Variants in MAP3K4 observed in about 807,000 individuals in gnomAD.
MAP3K4 encodes mitogen-activated protein kinase kinase kinase 4.
Under a neutral mutation model 185.6 loss-of-function variants are expected in MAP3K4, and 67 were observed. That is an observed-to-expected ratio of 0.36 (90% CI 0.30 to 0.44). MAP3K4 has a LOEUF of 0.44. Ranked by LOEUF, MAP3K4 falls within the 20% of genes least tolerant of loss-of-function variation. The pLI is 1.00. For synonymous variants in MAP3K4, 702 were observed against 710.4 expected, an observed-to-expected ratio of 0.99 and a Z score of 0.19; for missense variants, 1,551 against 1,995.1, an observed-to-expected ratio of 0.78 and a Z score of 4.24.
At chr6:161,024,971 C>T (rs920783611) in intron 1 of MAP3K4, among the ~76,000 whole-genome samples, 1 of 152,006 alleles carries the variant, frequency 6.6e-6, no homozygotes, top group African/African-American at 2.4e-5. Context: ...GCCTATCTGT[C>T]CATCCATCCA....
chr6:161,006,644 C>T (rs1781595016), intron 1 of MAP3K4, among the ~76,000 whole-genome samples: 1 of 152,160 alleles, frequency 6.6e-6, no homozygotes, highest in African/African-American at 2.4e-5. Context: ...CAGAATTGAG[C>T]TCTCTCCTTT....
chr6:161,031,252 T>C (rs1782916132), intron 1 of MAP3K4, among the ~76,000 whole-genome samples: 1 of 152,206 alleles, frequency 6.6e-6, no homozygotes, highest in African/African-American at 2.4e-5. Flanking sequence ...TCTATAGAAT[T>C]ATTACAAGGA....
Position 161,082,042 on chromosome 6 carries a change from G to A in MAP3K4, c.2255+1004G>A, listed in dbSNP as rs901352918. ...TCTTGACTCTGCCGATTTCTCCTAT[G>A]TTCAGTCTCGGAATCTCGTATCCAC... is the stretch of plus-strand genomic sequence containing the variant. On this transcript the variant is annotated intron_variant, in intron 6 of 26. Transcript: ENST00000392142. The surrounding 1 kb of genome is among the most constrained non-coding windows in gnomAD (Gnocchi z 4.2). Among the ~76,000 whole-genome samples, 4 of 151,880 alleles carry A rather than the reference G, an allele frequency of 2.6e-5. No homozygotes were observed. The highest frequency in any genetic ancestry group is 9.7e-5 in the African/African-American group (4 of 41,302).
intron 1 of MAP3K4, among the ~76,000 whole-genome samples, chr6:161,032,592 A>G (rs1022602838): frequency 8.5e-5 from 13 of 152,224 alleles, no homozygotes; most frequent in African/African-American, 3.1e-4. Flanking sequence ...GCTGCTTTTC[A>G]TTCCAAACAG....
intron 1 of MAP3K4, among the ~76,000 whole-genome samples, chr6:161,026,739 T>C (rs1782687991): frequency 1.4e-5 from 2 of 147,512 alleles, no homozygotes; most frequent in South Asian, 4.3e-4. Flanking sequence ...TCTCCTTTTT[T>C]TTTTTTTTTT....
rs939452701 is a variant in MAP3K4, at chr6:161,115,065, TG to T, written c.4627-57del. On this transcript the variant is annotated intron_variant, in intron 25 of 26. Coordinates refer to ENST00000392142, the MANE Select transcript of MAP3K4 (RefSeq NM_005922.4). The surrounding 1 kb of genome is among the most constrained non-coding windows in gnomAD (Gnocchi z 6.0). The stretch of plus-strand genomic sequence containing the variant: ...GATGCTTAAAAACAGACTGAACATT[TG>T]CGTTGTTTGTGGCTGTGTAATATTA... 2.4e-5 allele frequency: 35 copies of T among 1,440,324 alleles called. 1 individual carries two copies. In the Admixed American group the frequency reaches 4.3e-4, roughly 18 times the overall value. 89.2% of individuals were successfully genotyped at this position (1,440,324 alleles called of 1,614,324 possible). A position where few individuals can be genotyped will look rare whatever the true frequency, so the allele number is the denominator to read the frequency against.
chr6:161,053,546 G>C lies in MAP3K4; in HGVS notation c.1707+3567G>C, dbSNP rs113905442. ...TGCCAAATAATTGTACATTTTAAGG[G>C]CATACATTTTAGGCAGTAAAACCTT... On this transcript the variant is annotated intron_variant, in intron 3 of 26. Transcript: ENST00000392142. The surrounding 1 kb of genome is among the most constrained non-coding windows in gnomAD (Gnocchi z 4.2). 0.018 allele frequency among the ~76,000 whole-genome samples: 2,804 copies of C among 152,180 alleles called. 96 individuals carry two copies. The highest frequency in any genetic ancestry group is 0.064 in the African/African-American group (2,672 of 41,510).
intron 2 of MAP3K4, among the ~76,000 whole-genome samples, chr6:161,046,546 G>T (rs1783738992): frequency 6.6e-6 from 1 of 151,468 alleles, no homozygotes; most frequent in South Asian, 2.1e-4. Context: ...ATAGTAGTTT[G>T]TATACTAAAA....
rs1245599977 is a variant in MAP3K4, at chr6:161,108,332, A to G, written c.4119+363A>G. Among the ~76,000 whole-genome samples, 1 of 152,254 alleles carries G rather than the reference A, an allele frequency of 6.6e-6. No individual in the cohort carries two copies. Among genetic ancestry groups the G allele is most frequent in the Admixed American group, 6.5e-5 (1 of 15,290 alleles). ...ATGATAAGCTTCAGAAACAAGTGGC[A>G]TTGAAACCGCTGGAGGTAGGATGGG... is the stretch of plus-strand genomic sequence containing the variant. On this transcript the variant is annotated intron_variant, in intron 21 of 26. Coordinates refer to ENST00000392142, the MANE Select transcript of MAP3K4 (RefSeq NM_005922.4). The surrounding 1 kb of genome is among the most constrained non-coding windows in gnomAD (Gnocchi z 5.7).
chr6:161,039,035 C>CAGGCCTTCTT (rs1268054934), intron 2 of MAP3K4, among the ~76,000 whole-genome samples: 7 of 152,132 alleles, frequency 4.6e-5, no homozygotes, highest in Non-Finnish European at 8.8e-5. Context: ...GTGGAAATCG[C>CAGGCCTTCTT]AGGCCTTCTT....
At position 161,063,939 on chromosome 6, in the gene MAP3K4, C is replaced by T. The variant is rs969124374; in HGVS notation, c.1708-6669C>T. The stretch of plus-strand genomic sequence containing the variant: ...GGCTCTTGGAACTGTTCATGGTTTT[C>T]CCACCACCTCTTCTCTTTGGGGAGT... On this transcript the variant is annotated intron_variant, in intron 3 of 26. Coordinates refer to ENST00000392142, the MANE Select transcript of MAP3K4 (RefSeq NM_005922.4). The surrounding 1 kb of genome is among the most constrained non-coding windows in gnomAD (Gnocchi z 5.4). Among the ~76,000 whole-genome samples, 1 of 152,132 alleles carries T rather than the reference C, an allele frequency of 6.6e-6. No individual in the cohort carries two copies. Among genetic ancestry groups the T allele is most frequent in the Non-Finnish European group, 1.5e-5 (1 of 68,022 alleles).
chr6:161,041,779 T>A (rs988782080), intron 2 of MAP3K4, among the ~76,000 whole-genome samples: 5 of 152,004 alleles, frequency 3.3e-5, no homozygotes, highest in African/African-American at 1.2e-4. Flanking sequence ...ACATAGAGAG[T>A]TGACGAGCAG....
intron 18 of MAP3K4, among the ~76,000 whole-genome samples, chr6:161,102,314 T>G (rs1777872857): frequency 6.6e-6 from 1 of 152,204 alleles, no homozygotes; most frequent in Non-Finnish European, 1.5e-5. Context: ...GACACTGTGT[T>G]TGTTGATCGT....
In MAP3K4 at chr6:161,110,907, T is replaced by C. The variant is rs756256464; in HGVS notation, c.4397-929T>C. 2.0e-4 allele frequency among the ~76,000 whole-genome samples: 30 copies of C among 152,156 alleles called. No individual in the cohort carries two copies. Among genetic ancestry groups the C allele is most frequent in the Non-Finnish European group, 3.8e-4 (26 of 68,022 alleles). ...GTTCTGCCACAGACACCATCCTCAG[T>C]CTCTGTCCACTGTCACAAAATGGTG... On this transcript the variant is annotated intron_variant, in intron 23 of 26. Coordinates refer to ENST00000392142, the MANE Select transcript of MAP3K4 (RefSeq NM_005922.4). The surrounding 1 kb of genome is among the most constrained non-coding windows in gnomAD (Gnocchi z 4.8).
chr6:161,098,253 C>T lies in MAP3K4; in HGVS notation c.3525-25C>T. On this transcript the variant is annotated intron_variant, in intron 16 of 26. Transcript: ENST00000392142. This position sits in a 1 kb window ranked among gnomAD's most constrained non-coding sequence, Gnocchi z 4.4. ...TCCGTTCCCTCTTCTCACATGTGTT[C>T]CTGAAGCTTTTCTTCTTGTCTTAGC... 2 of 1,602,908 alleles carry T rather than the reference C, an allele frequency of 1.2e-6. No individual in the cohort carries two copies. Among genetic ancestry groups the T allele is most frequent in the Non-Finnish European group, 1.7e-6 (2 of 1,173,292 alleles).
rs1020271156 is a variant in MAP3K4 at position 161,110,240 on chromosome 6, C to T, written c.4396+326C>T. On this transcript the variant is annotated intron_variant, in intron 23 of 26. Coordinates refer to ENST00000392142, the MANE Select transcript of MAP3K4 (RefSeq NM_005922.4). The surrounding 1 kb of genome is among the most constrained non-coding windows in gnomAD (Gnocchi z 4.8). ...GATCAAAGCAACCTTTTTTTTCTCT[C>T]GTGTCAGGATTCTTGTCTATTTATA... is the stretch of plus-strand genomic sequence containing the variant. 1.3e-5 allele frequency among the ~76,000 whole-genome samples: 2 copies of T among 151,994 alleles called. No individual in the cohort carries two copies. The highest frequency in any genetic ancestry group is 2.9e-5 in the Non-Finnish European group (2 of 67,992).
rs532792619 is a variant in MAP3K4 at position 161,081,945 on chromosome 6, C to T, written c.2255+907C>T. ...CATTTTGTCTCTTGTATTAGAGCAG[C>T]AGCTTCTGCTGCCTACCCTGTCTCC... is the stretch of plus-strand genomic sequence containing the variant. On this transcript the variant is annotated intron_variant, in intron 6 of 26. Transcript: ENST00000392142. Among the ~76,000 whole-genome samples, 3 of 152,302 alleles carry T rather than the reference C, an allele frequency of 2.0e-5. No homozygotes were observed. The South Asian group carries it at 6.2e-4, about 32-fold the overall frequency.
At chr6:161,104,213 A>G (rs6455703) in intron 19 of MAP3K4, among the ~76,000 whole-genome samples, 137,847 of 151,600 alleles carry the variant, frequency 0.91, 62,849 homozygotes, top group East Asian at 0.99. Flanking sequence ...TCAGGAGTTC[A>G]AGACCAGCCT....
chr6:161,034,134 A>G lies in MAP3K4; in HGVS notation c.153-125A>G. 1 of 655,632 alleles carries G rather than the reference A, an allele frequency of 1.5e-6. No homozygotes were observed. The highest frequency in any genetic ancestry group is 2.8e-5 in the South Asian group (1 of 36,332). 40.6% of individuals were successfully genotyped at this position (655,632 alleles called of 1,614,324 possible). A position where few individuals can be genotyped will look rare whatever the true frequency, so the allele number is the denominator to read the frequency against. On this transcript the variant is annotated intron_variant, in intron 1 of 26. Coordinates refer to ENST00000392142, the MANE Select transcript of MAP3K4 (RefSeq NM_005922.4). The surrounding 1 kb of genome is among the most constrained non-coding windows in gnomAD (Gnocchi z 4.4). ...GTTTTCACAGGTAAAAATGAGGAGG[A>G]GCACAGTGCTGAAGAGATTTTTCTG...
Sources: allele counts gnomAD v4.1 joint callset (sites outside exome capture counted in the v4.1 genomes callset), GRCh38; gene constraint gnomAD v4.1.1; non-coding constraint Gnocchi (gnomAD v3.1); transcripts MANE v1.5; gene names NCBI Gene and HGNC (gene_info 2026-07-23, HGNC 2026-07-21).